Variants in HACE1 observed in about 807,000 individuals in gnomAD.
HACE1 encodes HECT domain and ankyrin repeat containing E3 ubiquitin protein ligase 1.
A neutral mutation model predicts 118.4 loss-of-function variants in HACE1; 73 were observed. The observed-to-expected ratio is 0.62, with a 90% confidence interval of 0.51 to 0.75. The LOEUF is 0.75. HACE1 is among the 30% of genes least tolerant of loss of function. The pLI is 0.00. For synonymous variants in HACE1, 368 were observed against 374.8 expected (o/e 0.98, Z 0.21); for missense variants, 749 against 1,102.2 (o/e 0.68, Z 4.54).
chr6:104,803,970 G>A (rs1770699584), intron 7 of HACE1, among the ~76,000 whole-genome samples: 4 of 152,108 alleles, frequency 2.6e-5, no homozygotes, highest in South Asian at 2.1e-4. Context: ...AAACCACATC[G>A]TCTCAGCCCA....
At chr6:104,822,635 T>C (rs1032991997) in intron 6 of HACE1, among the ~76,000 whole-genome samples, 2 of 152,020 alleles carry the variant, frequency 1.3e-5, no homozygotes, top group Admixed American at 6.6e-5. Flanking sequence ...GGCAGTCGGA[T>C]CACTAGAGGT....
chr6:104,781,733 A>G (rs2114775752), intron 14 of HACE1, among the ~76,000 whole-genome samples: 1 of 152,148 alleles, frequency 6.6e-6, no homozygotes, highest in East Asian at 1.9e-4. Flanking sequence ...CACCGCCAAC[A>G]TGGACATCCT....
At chr6:104,848,460 A>T (rs1775878715) in intron 4 of HACE1, among the ~76,000 whole-genome samples, 1 of 151,852 alleles carries the variant, frequency 6.6e-6, no homozygotes. Context: ...ATCTCAAAAA[A>T]AAAAAAAAAG....
At chr6:104,808,192 T>TAA (rs570573543) in intron 7 of HACE1, among the ~76,000 whole-genome samples, 9 of 133,878 alleles carry the variant, frequency 6.7e-5, no homozygotes, top group Non-Finnish European at 1.1e-4. Context: ...TCTCAAAAAT[T>TAA]AAAAAAAAAA....
intron 20 of HACE1, 42 bp from the exon 21 acceptor site, chr6:104,744,652 G>A (rs1419248998): frequency 8.7e-7 from 1 of 1,145,026 alleles, no homozygotes; most frequent in Non-Finnish European, 1.3e-6. Flanking sequence ...TTTCTTTAGG[G>A]AAAAAAGTTA....
At chr6:104,744,079 T>C (rs774345937) in intron 22 of HACE1, 81 bp downstream of exon 22, 5 of 840,794 alleles carry the variant, frequency 5.9e-6, no homozygotes, top group African/African-American at 3.4e-5. Context: ...AGAGTAATAA[T>C]TCCTTATTTT....
intron 6 of HACE1, among the ~76,000 whole-genome samples, chr6:104,812,821 C>T (rs1257691724): frequency 6.6e-6 from 1 of 152,116 alleles, no homozygotes. Flanking sequence ...TTATGTAGAG[C>T]TAAAAATAGG....
chr6:104,785,714 CAAAT>C (rs1782312321), intron 11 of HACE1: 1 of 162,772 alleles, frequency 6.1e-6, no homozygotes, highest in African/African-American at 2.4e-5. Context: ...TTCAATTAAA[CAAAT>C]AAGATTTTTT....
rs1310416537 is a variant in HACE1, at chr6:104,811,368, C to A, written c.560G>T (p.Gly187Val). 9.7e-6 allele frequency: 15 copies of A among 1,539,204 alleles called. No homozygotes were observed. Among genetic ancestry groups the A allele is most frequent in the Non-Finnish European group, 1.3e-5 (14 of 1,114,146 alleles). Residue 187 changes from glycine (G) to valine (V), a missense_variant, in exon 7 of 24, where the codon GGT (glycine) becomes GTT (valine). Gly to Val is a moderately radical substitution (Grantham distance 109). Around this residue, in one of 5 missense-constraint regions of HACE1, gnomAD observed 267 missense variants for 312.2 expected, o/e 0.86. Transcript: ENST00000262903. ...KTTVQCLLDS[G>V]ADINRPNVSG... ...TACATTTGGCCTGTTAATATCAGCA[C>A]CACTGTCTAGCAAGCACTGCACTGT...
chr6:104,826,696 T>C (rs3862831), intron 6 of HACE1, among the ~76,000 whole-genome samples: 31,231 of 152,188 alleles, frequency 0.21, 3,882 homozygotes, highest in African/African-American at 0.36. Context: ...TGATTACCTA[T>C]GTATTTTTCA....
At chr6:104,795,803 A>C in intron 9 of HACE1, 118 bp from the exon 10 acceptor site, 1 of 669,380 alleles carries the variant, frequency 1.5e-6, no homozygotes, top group Non-Finnish European at 2.7e-6. Context: ...TCCTTTAGTT[A>C]TTTTGTCTTG....
intron 1 of HACE1, chr6:104,859,308 G>T (rs1316141463): frequency 2.2e-6 from 1 of 462,530 alleles, no homozygotes; most frequent in Non-Finnish European, 3.8e-6. Context: ...GACAGACGTT[G>T]CGAGACCTTT....
chr6:104,738,689 T>A (rs1776241699), intron 22 of HACE1, among the ~76,000 whole-genome samples: 1 of 149,804 alleles, frequency 6.7e-6, no homozygotes, highest in Non-Finnish European at 1.5e-5. Flanking sequence ...AATCTATGTC[T>A]GATTGGTGGA....
rs1386864935 is a variant in HACE1 at position 104,729,768 on chromosome 6, T to A, written c.2628-4A>T. 1 of 1,306,548 alleles carries A rather than the reference T, an allele frequency of 7.7e-7. No homozygotes were observed. The highest frequency in any genetic ancestry group is 1.7e-5 in the Admixed American group (1 of 59,602). 80.9% of individuals were successfully genotyped at this position (1,306,548 alleles called of 1,614,324 possible). A position where few individuals can be genotyped will look rare whatever the true frequency, so the allele number is the denominator to read the frequency against. On this transcript the variant is annotated splice_region_variant and splice_polypyrimidine_tract_variant and intron_variant, in intron 23 of 23. Transcript: ENST00000262903. ...AGGTAACTTGAGCATGTTGATGCTT[T>A]AAAAGAAAAATATACCACCATTAAA...
intron 1 of HACE1, among the ~76,000 whole-genome samples, chr6:104,855,483 A>T (rs1019007312): frequency 6.6e-6 from 1 of 152,096 alleles, no homozygotes; most frequent in Non-Finnish European, 1.5e-5. Flanking sequence ...ATAAAAAGAT[A>T]ATATATCCTA....
Position 104,850,998 on chromosome 6 carries a change from T to C in HACE1, c.132-2A>G. On this transcript the variant is annotated splice_acceptor_variant, in intron 2 of 23. Coordinates refer to ENST00000262903, the MANE Select transcript of HACE1 (RefSeq NM_020771.4). LOFTEE classifies it high-confidence loss of function. ...TTTGATAGTAGTTCAGAAACAGACCTATGCCAAAATAAAAATGAGGAATCA... is the reference window on the plus strand; with the variant it reads ...TTTGATAGTAGTTCAGAAACAGACCCATGCCAAAATAAAAATGAGGAATCA... 1 of 1,548,560 alleles carries C rather than the reference T, an allele frequency of 6.5e-7. No homozygotes were observed. The highest frequency in any genetic ancestry group is 8.9e-7 in the Non-Finnish European group (1 of 1,119,982).
Position 104,768,599 on chromosome 6 carries a change from GA to G in HACE1, c.2211+2593del, listed in dbSNP as rs1241607580. Among the ~76,000 whole-genome samples, 3 of 147,490 alleles carry G rather than the reference GA, an allele frequency of 2.0e-5. 1 individual carries two copies. The highest frequency in any genetic ancestry group is 4.0e-4 in the East Asian group (2 of 5,000). ...CACAATTACTATACTGGTAACATTAGAAAAAAAAGGCTCAATTTATTGTGAG... is the reference window on the plus strand; with the variant it reads ...CACAATTACTATACTGGTAACATTAGAAAAAAAGGCTCAATTTATTGTGAG... On this transcript the variant is annotated intron_variant, in intron 19 of 23. Transcript: ENST00000262903.
intron 20 of HACE1, among the ~76,000 whole-genome samples, chr6:104,746,730 G>C (rs1777475195): frequency 6.6e-6 from 1 of 152,110 alleles, no homozygotes; most frequent in African/African-American, 2.4e-5. Context: ...TAGTCCCTTT[G>C]TTAAAGTTTC....
chr6:104,846,847 A>G (rs1775717399), intron 4 of HACE1, among the ~76,000 whole-genome samples: 1 of 152,236 alleles, frequency 6.6e-6, no homozygotes, highest in African/African-American at 2.4e-5. Flanking sequence ...CAAGGCTTCC[A>G]CTCAATAAAT....
Sources: gnomAD v4.1 joint callset for allele counts (sites outside exome capture counted in the v4.1 genomes callset) on GRCh38, gnomAD v4.1.1 for gene constraint, gnomAD v4.1.1 regional missense constraint, MANE v1.5 for transcripts, NCBI Gene and HGNC (gene_info 2026-07-23, HGNC 2026-07-21) for gene names.